ERC2: variants seen among roughly 807,000 people sequenced by gnomAD.
The protein encoded by ERC2 is ERC protein 2.
A neutral mutation model predicts 114.8 loss-of-function variants in ERC2; 42 were observed. The observed-to-expected ratio is 0.37, with a 90% CI of 0.29 to 0.47. The LOEUF is 0.47. Ranked by LOEUF, ERC2 falls within the 20% of genes least tolerant of loss-of-function variation. The pLI, the probability that ERC2 is intolerant of heterozygous loss-of-function variation, is 0.99. For synonymous variants in ERC2, 454 were observed against 425.5 expected (o/e 1.07, Z -0.82); for missense variants, 939 against 1,150.7 (o/e 0.82, Z 2.66).
chr3:56,131,529 A>G (rs1319560578), intron 6 of ERC2, among the ~76,000 whole-genome samples: 6 of 152,232 alleles, frequency 3.9e-5, no homozygotes, highest in Non-Finnish European at 4.4e-5. Flanking sequence ...TATGAAGGGC[A>G]TTAAACAAAA....
chr3:56,239,757 C>G (rs2051203731), intron 3 of ERC2, among the ~76,000 whole-genome samples: 1 of 152,170 alleles, frequency 6.6e-6, no homozygotes. Context: ...ACAGCTTTCC[C>G]CCTTCTGATC....
intron 14 of ERC2, among the ~76,000 whole-genome samples, chr3:55,758,819 A>G (rs1270726440): frequency 6.6e-6 from 1 of 152,220 alleles, no homozygotes; most frequent in African/African-American, 2.4e-5. Flanking sequence ...GTTTATGTCA[A>G]TGAAGGTGAA....
intron 12 of ERC2, among the ~76,000 whole-genome samples, chr3:55,952,194 C>CTA (rs2067621764): frequency 1.8e-5 from 2 of 111,894 alleles, no homozygotes; most frequent in South Asian, 6.7e-4. Flanking sequence ...CTCTCTCTCT[C>CTA]TCTCTATATA....
intron 17 of ERC2, among the ~76,000 whole-genome samples, chr3:55,531,181 A>G (rs919670870): frequency 6.6e-6 from 1 of 152,142 alleles, no homozygotes; most frequent in Non-Finnish European, 1.5e-5. Context: ...GATCCACTCT[A>G]GGGGCCTTGG....
chr3:55,616,355 T>A (rs1260256905), intron 17 of ERC2, among the ~76,000 whole-genome samples: 2 of 152,198 alleles, frequency 1.3e-5, no homozygotes, highest in African/African-American at 4.8e-5. Flanking sequence ...AAATGGAAAG[T>A]CCTTAAATTC....
chr3:55,699,724 T>A (rs891975767), intron 15 of ERC2, among the ~76,000 whole-genome samples: 10 of 152,170 alleles, frequency 6.6e-5, no homozygotes, highest in African/African-American at 2.4e-4. Flanking sequence ...TTATGTTACA[T>A]CTGTAAATGT....
intron 15 of ERC2, among the ~76,000 whole-genome samples, chr3:55,700,583 T>C (rs975773447): frequency 3.9e-5 from 6 of 152,202 alleles, no homozygotes; most frequent in South Asian, 2.1e-4. Flanking sequence ...GTTACTGCTG[T>C]TGTTGTTTGC....
chr3:55,900,911 G>A (rs11708779), intron 13 of ERC2, among the ~76,000 whole-genome samples: 42,811 of 152,112 alleles, frequency 0.28, 7,524 homozygotes, highest in Non-Finnish European at 0.38. Context: ...TTTAAATGAT[G>A]GATAACTTAA....
intron 17 of ERC2, among the ~76,000 whole-genome samples, chr3:55,623,238 A>G (rs1392375024): frequency 6.6e-6 from 1 of 152,218 alleles, no homozygotes; most frequent in Non-Finnish European, 1.5e-5. Context: ...ACAGAGGATT[A>G]CTGTAAAGAC....
rs552659484 is a variant in ERC2 at position 55,979,213 on chromosome 3, C to T, written c.2267+6764G>A. On this transcript the variant is annotated intron_variant, in intron 12 of 17. Coordinates refer to ENST00000288221, the MANE Select transcript of ERC2 (RefSeq NM_015576.3). ...TTAAATTTAAAACCACTCTCTTACA[C>T]TTCAACTCACACATCACATCAAGAT... 8.3e-4 allele frequency among the ~76,000 whole-genome samples: 126 copies of T among 152,334 alleles called. 1 individual carries two copies. The highest frequency in any genetic ancestry group is 7.6e-3 in the Admixed American group (116 of 15,306).
intron 14 of ERC2, among the ~76,000 whole-genome samples, chr3:55,848,905 G>C (rs1051330252): frequency 2.0e-5 from 3 of 152,164 alleles, no homozygotes. Flanking sequence ...CTACAGTGTG[G>C]AGCTTTTGTG....
chr3:55,791,009 T>C (rs1246096658), intron 14 of ERC2, among the ~76,000 whole-genome samples: 1 of 152,238 alleles, frequency 6.6e-6, no homozygotes, highest in East Asian at 1.9e-4. Flanking sequence ...CTCAGCTTCC[T>C]CTTCTTGTCA....
intron 1 of ERC2, among the ~76,000 whole-genome samples, chr3:56,463,083 C>T (rs1308365547): frequency 6.6e-6 from 1 of 152,042 alleles, no homozygotes; most frequent in African/African-American, 2.4e-5. Context: ...CAAAAATCAG[C>T]CAGGCATGGT....
chr3:56,171,280 C>A lies in ERC2; in HGVS notation c.1149+2166G>T, dbSNP rs531202026. Among the ~76,000 whole-genome samples, 10 of 152,284 alleles carry A rather than the reference C, an allele frequency of 6.6e-5. No individual in the cohort carries two copies. In the South Asian group the frequency reaches 1.9e-3, roughly 28 times the overall value. On this transcript the variant is annotated intron_variant, in intron 4 of 17. Coordinates refer to ENST00000288221, the MANE Select transcript of ERC2 (RefSeq NM_015576.3). ...ACAAAATCAGATGAGATCACAGCCT[C>A]CAGCCTGAGCTATACACATGGCTGG...
At chr3:55,643,649 C>T (rs1484828905) in intron 17 of ERC2, among the ~76,000 whole-genome samples, 2 of 152,126 alleles carry the variant, frequency 1.3e-5, no homozygotes, top group Non-Finnish European at 2.9e-5. Flanking sequence ...ATAAAACATT[C>T]AATAGAGTTT....
At chr3:56,193,633 A>G (rs1366365677) in intron 3 of ERC2, among the ~76,000 whole-genome samples, 1 of 152,204 alleles carries the variant, frequency 6.6e-6, no homozygotes, top group Non-Finnish European at 1.5e-5. Context: ...TTAATTGCAT[A>G]AGAATTTATG....
intron 10 of ERC2, among the ~76,000 whole-genome samples, chr3:55,997,115 T>G (rs73831851): frequency 0.011 from 1,687 of 152,318 alleles, 5 homozygotes; most frequent in Middle Eastern, 0.027. Context: ...ACACGTTCCC[T>G]TTGAAATAAA....
intron 13 of ERC2, among the ~76,000 whole-genome samples, chr3:55,898,472 C>T (rs11929620): frequency 0.16 from 24,377 of 152,102 alleles, 2,144 homozygotes; most frequent in East Asian, 0.3. Context: ...TACATGCTGA[C>T]GGTGTGATTT....
At chr3:55,821,363 C>A (rs2060115776) in intron 14 of ERC2, among the ~76,000 whole-genome samples, 1 of 152,156 alleles carries the variant, frequency 6.6e-6, no homozygotes, top group Non-Finnish European at 1.5e-5. Flanking sequence ...TCTGGGAAAC[C>A]CATCAAACAC....
Sources: allele counts gnomAD v4.1 joint callset (sites outside exome capture counted in the v4.1 genomes callset), GRCh38; gene constraint gnomAD v4.1.1; transcripts MANE v1.5; gene names NCBI Gene and HGNC (gene_info 2026-07-23, HGNC 2026-07-21).